Variants in SNX5 observed in about 807,000 individuals in gnomAD.
SNX5 encodes the protein sorting nexin 5, also known as sorting nexin-5.
In SNX5, 31 loss-of-function variants were observed where a neutral mutation model predicts 53.9. That is an observed-to-expected ratio of 0.58 (90% confidence interval 0.43 to 0.78). SNX5 has a LOEUF of 0.78. Ranked by LOEUF, SNX5 falls within the 30% of genes least tolerant of loss-of-function variation. The probability of loss-of-function intolerance (pLI) is 0.00; values close to 1 mark genes in which losing one functional copy is unlikely to be tolerated. For synonymous variants in SNX5, 168 were observed against 171.1 expected, an observed-to-expected ratio of 0.98 and a Z score of 0.14; for missense variants, 471 against 478.8, an observed-to-expected ratio of 0.98 and a Z score of 0.15.
chr20:17,959,728 G>C (rs1347613118), intron 1 of SNX5, among the ~76,000 whole-genome samples: 1 of 152,180 alleles, frequency 6.6e-6, no homozygotes, highest in Non-Finnish European at 1.5e-5. Context: ...AACATGGGTA[G>C]AAACTTGTGA....
At chr20:17,960,425 C>G (rs1325616708) in intron 1 of SNX5, among the ~76,000 whole-genome samples, 2 of 152,204 alleles carry the variant, frequency 1.3e-5, no homozygotes, top group Non-Finnish European at 2.9e-5. Flanking sequence ...GAAACCCCGT[C>G]TCTACCAAAA....
chr20:17,963,030 A>G, intron 1 of SNX5: 1 of 379,056 alleles, frequency 2.6e-6, no homozygotes, highest in East Asian at 6.8e-5. Flanking sequence ...ATGTCAAGAA[A>G]TCCATCTAAT....
At chr20:17,946,786 G>T (rs1017493236) in intron 11 of SNX5, among the ~76,000 whole-genome samples, 2 of 152,186 alleles carry the variant, frequency 1.3e-5, no homozygotes, top group African/African-American at 4.8e-5. Context: ...ACCACAGATT[G>T]ATGGGGGTTA....
chr20:17,949,777 A>AG (rs1491158260), intron 8 of SNX5, among the ~76,000 whole-genome samples: 1 of 152,196 alleles, frequency 6.6e-6, no homozygotes, highest in Non-Finnish European at 1.5e-5. Context: ...CCAAAAAAAA[A>AG]GAAGGTCTAG....
intron 2 of SNX5, among the ~76,000 whole-genome samples, chr20:17,956,338 G>GA (rs1221316778): frequency 1.3e-5 from 2 of 152,116 alleles, no homozygotes; most frequent in Non-Finnish European, 2.9e-5. Flanking sequence ...CAGGCGTTAA[G>GA]AAAAAACCAC....
rs143385229 is a variant in SNX5, at chr20:17,943,501, G to A, written c.1079-306C>T. On this transcript the variant is annotated intron_variant, in intron 11 of 12. Transcript: ENST00000377759. The stretch of plus-strand genomic sequence containing the variant: ...CCTCACTCTCACCCTCTAGGTACCA[G>A]TGACTGGGAACAGGGCTGGAGTATG... 747 of 310,410 alleles carry A rather than the reference G, an allele frequency of 2.4e-3. 8 individuals are homozygous for A. The highest frequency in any genetic ancestry group is 0.016 in the African/African-American group (717 of 45,796). The allele number at this position is 310,410 out of a possible 1,614,324, so 19.2% of individuals were successfully genotyped here. A position where few individuals can be genotyped will look rare whatever the true frequency, so the allele number is the denominator to read the frequency against.
In SNX5 at chr20:17,943,141, TC is replaced by T. The variant is rs754299876; in HGVS notation, c.1132del (p.Glu378LysfsTer7). The T allele has an allele frequency of 6.2e-7, 1 of 1,609,220 alleles. No homozygotes were observed. Among genetic ancestry groups the T allele is most frequent in the African/African-American group, 1.3e-5 (1 of 74,822 alleles). ...ATGTTTTATTTCCAGTTCAGACATTTCAATTAGATTCTTTCTAAATGCTGCC... is the reference window on the plus strand; with the variant it reads ...ATGTTTTATTTCCAGTTCAGACATTTAATTAGATTCTTTCTAAATGCTGCC... ...RVAAFRKNLIEMSELEIKHAR... is the reference protein window; with the variant it reads ...RVAAFRKNLIXMSELEIKHAR... On this transcript the variant is annotated frameshift_variant, in exon 12 of 13. Transcript: ENST00000377759. LOFTEE classifies it high-confidence loss of function.
chr20:17,943,206 A>C lies in SNX5; in HGVS notation c.1079-11T>G, dbSNP rs757648728. 1.9e-6 allele frequency: 3 copies of C among 1,564,784 alleles called. No individual in the cohort carries two copies. Among genetic ancestry groups the C allele is most frequent in the East Asian group, 4.5e-5 (2 of 44,670 alleles). ...TGAAATTTATCAGTTCTACAGGAAGAAAAAATGTTTATGAAACCAAGAAAA... is the reference window on the plus strand; with the variant it reads ...TGAAATTTATCAGTTCTACAGGAAGCAAAAATGTTTATGAAACCAAGAAAA... On this transcript the variant is annotated splice_polypyrimidine_tract_variant and intron_variant, in intron 11 of 12. Coordinates refer to ENST00000377759, the MANE Select transcript of SNX5 (RefSeq NM_014426.4).
At chr20:17,954,593 G>A (rs1156504374) in intron 3 of SNX5, among the ~76,000 whole-genome samples, 1 of 152,110 alleles carries the variant, frequency 6.6e-6, no homozygotes, top group African/African-American at 2.4e-5. Flanking sequence ...TCATCATTTG[G>A]AGAGCTTCTT....
At chr20:17,965,435 C>A (rs2035521961) in intron 1 of SNX5, among the ~76,000 whole-genome samples, 1 of 152,188 alleles carries the variant, frequency 6.6e-6, no homozygotes, top group African/African-American at 2.4e-5. Context: ...ACTTAACAGC[C>A]TTGGCCAAGC....
At position 17,967,939 on chromosome 20, in the gene SNX5, C is replaced by G. The variant is rs371106805; in HGVS notation, c.51+436G>C. The stretch of plus-strand genomic sequence containing the variant: ...TTCCCAAGTTGTTTGGGCCCCCCCC[C>G]CAAAAAAGTCTTCTCAGTAAAAGGT... On this transcript the variant is annotated intron_variant, in intron 1 of 12. Transcript: ENST00000377759. 5.0e-3 allele frequency: 1,994 copies of G among 397,524 alleles called. 5 individuals carry two copies. The highest frequency in any genetic ancestry group is 6.8e-3 in the Non-Finnish European group (1,536 of 225,938). The allele number at this position is 397,524 out of a possible 1,614,324, so 24.6% of individuals were successfully genotyped here.
At chr20:17,961,367 AC>A in intron 1 of SNX5, 2 of 985,452 alleles carry the variant, frequency 2.0e-6, no homozygotes, top group Non-Finnish European at 2.4e-6. Context: ...CTCAGAACCC[AC>A]CAGGAGAACA....
intron 1 of SNX5, among the ~76,000 whole-genome samples, chr20:17,957,702 T>C (rs2035385086): frequency 6.6e-6 from 1 of 152,168 alleles, no homozygotes; most frequent in Admixed American, 6.5e-5. Flanking sequence ...TCAAGAGGCA[T>C]TAACCAGGCC....
chr20:17,968,604 C>T lies in SNX5; in HGVS notation c.-179G>A. 1.6e-6 allele frequency: 1 copy of T among 633,952 alleles called. No homozygotes were observed. The highest frequency in any genetic ancestry group is 2.8e-6 in the Non-Finnish European group (1 of 358,494). 39.3% of individuals were successfully genotyped at this position (633,952 alleles called of 1,614,324 possible). A position where few individuals can be genotyped will look rare whatever the true frequency, so the allele number is the denominator to read the frequency against. On this transcript the variant is annotated 5_prime_UTR_variant, in exon 1 of 13. Transcript: ENST00000377759. ...GCCACCATCCCAGCTGCCCCGGGAGCAGGCGAGCAGGGCGCCACGTGCTCC... is the reference window on the plus strand; with the variant it reads ...GCCACCATCCCAGCTGCCCCGGGAGTAGGCGAGCAGGGCGCCACGTGCTCC...
intron 12 of SNX5, chr20:17,942,855 C>G: frequency 5.0e-6 from 2 of 396,276 alleles, no homozygotes; most frequent in Admixed American, 8.8e-5. Context: ...GTCAGGGGTT[C>G]AAGTCCAGCC....
intron 3 of SNX5, 90 bp downstream of exon 3, chr20:17,955,275 T>C: frequency 1.2e-6 from 1 of 847,282 alleles, no homozygotes; most frequent in South Asian, 1.7e-5. Flanking sequence ...CTTTTCACAA[T>C]CCATTAAAAA....
intron 11 of SNX5, among the ~76,000 whole-genome samples, chr20:17,946,526 A>G (rs536538824): frequency 6.6e-6 from 1 of 152,340 alleles, no homozygotes; most frequent in Admixed American, 6.5e-5. Context: ...TGAATTCTAA[A>G]CCATTTTAAA....
At chr20:17,954,608 C>T (rs550411874) in intron 3 of SNX5, among the ~76,000 whole-genome samples, 19 of 152,296 alleles carry the variant, frequency 1.2e-4, no homozygotes, top group African/African-American at 4.1e-4. Flanking sequence ...CTTCTTCAGT[C>T]TGCCTGGCAG....
At chr20:17,957,094 C>G in intron 1 of SNX5, 57 bp from the exon 2 acceptor site, 1 of 1,028,612 alleles carries the variant, frequency 9.7e-7, no homozygotes, top group Non-Finnish European at 1.5e-6. Flanking sequence ...AAAAATTATT[C>G]CAAAAATGAG....
Sources: allele counts gnomAD v4.1 joint callset (sites outside exome capture counted in the v4.1 genomes callset), GRCh38; gene constraint gnomAD v4.1.1; transcripts MANE v1.5; gene names NCBI Gene and HGNC (gene_info 2026-07-23, HGNC 2026-07-21).